Variants in PPARGC1A observed in about 807,000 individuals in gnomAD.
PPARGC1A encodes the protein peroxisome proliferator-activated receptor gamma coactivator 1-alpha.
Under a neutral mutation model 88.7 loss-of-function variants are expected in PPARGC1A, and 25 were observed. The observed-to-expected ratio is 0.28, with a 90% CI of 0.21 to 0.39. PPARGC1A has a LOEUF of 0.39. Ranked by LOEUF, PPARGC1A falls within the 10% of genes least tolerant of loss-of-function variation. The pLI is 1.00. For missense variants in PPARGC1A, 880 were observed against 968.7 expected (o/e 0.91, Z 1.22); for synonymous variants, 363 against 355.6 (o/e 1.02, Z -0.24).
the PPARGC1A span, among the ~76,000 whole-genome samples, chr4:24,025,392 A>C: frequency 2.0e-5 from 3 of 152,178 alleles, 1 homozygote; most frequent in South Asian, 4.1e-4. Flanking sequence ...TTGAGAGTAC[A>C]GGAGAGATTT....
the PPARGC1A span, among the ~76,000 whole-genome samples, chr4:24,234,793 G>A: frequency 1.3e-5 from 2 of 152,154 alleles, no homozygotes; most frequent in Non-Finnish European, 2.9e-5. Context: ...AGACCCCAGT[G>A]ATCACTGGCT....
the PPARGC1A span, among the ~76,000 whole-genome samples, chr4:24,066,099 A>G: frequency 4.0e-5 from 6 of 151,830 alleles, no homozygotes; most frequent in African/African-American, 9.7e-5. Flanking sequence ...GGGTGCCTTC[A>G]GTCTCCTCGG....
chr4:24,312,268 T>C, the PPARGC1A span, among the ~76,000 whole-genome samples: 1 of 152,228 alleles, frequency 6.6e-6, no homozygotes, highest in Non-Finnish European at 1.5e-5. Context: ...TTCTTGCCTA[T>C]AAAAGCTTCT....
chr4:23,812,619 A>C lies in PPARGC1A; in HGVS notation c.2019+128T>G, dbSNP rs893792019. The C allele has an allele frequency of 4.9e-6, 7 of 1,442,378 alleles. No homozygotes were observed. In the Admixed American group the frequency reaches 1.6e-4, roughly 32 times the overall value. The allele number at this position is 1,442,378 out of a possible 1,614,324, so 89.3% of individuals were successfully genotyped here. On this transcript the variant is annotated intron_variant, in intron 10 of 12. Coordinates refer to ENST00000264867, the MANE Select transcript of PPARGC1A (RefSeq NM_013261.5). The stretch of plus-strand genomic sequence containing the variant: ...AAGACTTATGGATATTTTAAAGCCA[A>C]AAGGCTGAAAATGGCCTGTTCTAAC...
the PPARGC1A span, among the ~76,000 whole-genome samples, chr4:24,152,554 A>G: frequency 1.3e-5 from 2 of 152,238 alleles, no homozygotes; most frequent in African/African-American, 2.4e-5. Context: ...CATTTGGCCA[A>G]TACTACAACA....
chr4:23,938,379 A>G, the PPARGC1A span, among the ~76,000 whole-genome samples: 2 of 152,194 alleles, frequency 1.3e-5, no homozygotes, highest in Non-Finnish European at 2.9e-5. Flanking sequence ...TAGGTCATTC[A>G]TTTATTTATT....
the PPARGC1A span, among the ~76,000 whole-genome samples, chr4:24,005,755 C>A: frequency 2.0e-5 from 3 of 151,884 alleles, no homozygotes; most frequent in South Asian, 2.1e-4. Context: ...GCATAGTGAC[C>A]GGCTCTGAAC....
chr4:24,063,104 C>T, the PPARGC1A span, among the ~76,000 whole-genome samples: 243 of 152,190 alleles, frequency 1.6e-3, 1 homozygote, highest in African/African-American at 5.6e-3. Context: ...GTGGCAAGTC[C>T]CTCTTCTTCT....
the PPARGC1A span, among the ~76,000 whole-genome samples, chr4:23,954,216 T>A: frequency 6.6e-6 from 1 of 152,044 alleles, no homozygotes; most frequent in South Asian, 2.1e-4. Flanking sequence ...AAACTAAATG[T>A]GGTACAGAAA....
the PPARGC1A span, among the ~76,000 whole-genome samples, chr4:24,088,308 T>C: frequency 2.6e-5 from 4 of 151,724 alleles, no homozygotes; most frequent in Non-Finnish European, 5.9e-5. Flanking sequence ...TGAGCCATGA[T>C]TGTGTCACTG....
intron 2 of PPARGC1A, among the ~76,000 whole-genome samples, chr4:23,862,291 A>C (rs574549527): frequency 2.6e-5 from 4 of 152,330 alleles, no homozygotes; most frequent in Middle Eastern, 3.4e-3. Context: ...ATCAGGGAAC[A>C]CTTCCTGAAT....
the PPARGC1A span, among the ~76,000 whole-genome samples, chr4:24,057,105 A>G: frequency 2.0e-5 from 3 of 152,226 alleles, no homozygotes; most frequent in African/African-American, 4.8e-5. Context: ...ATACAATGAA[A>G]TATTATTTAG....
At chr4:24,266,249 C>A in the PPARGC1A span, among the ~76,000 whole-genome samples, 1 of 152,156 alleles carries the variant, frequency 6.6e-6, no homozygotes, top group Non-Finnish European at 1.5e-5. Flanking sequence ...TTGCAGTCTC[C>A]CACTTGGGAC....
chr4:24,018,333 T>A, the PPARGC1A span, among the ~76,000 whole-genome samples: 1 of 152,074 alleles, frequency 6.6e-6, no homozygotes, highest in African/African-American at 2.4e-5. Context: ...TAAAAGTGTT[T>A]AAAATGTCAC....
intron 1 of PPARGC1A, 38 bp downstream of exon 1, chr4:23,889,866 C>G: frequency 6.2e-7 from 1 of 1,606,628 alleles, no homozygotes; most frequent in Non-Finnish European, 8.5e-7. Context: ...AGGGAAGCGT[C>G]AGTTGTGGCT....
At chr4:23,911,743 T>C in the PPARGC1A span, among the ~76,000 whole-genome samples, 2 of 152,194 alleles carry the variant, frequency 1.3e-5, no homozygotes, top group Non-Finnish European at 2.9e-5. Context: ...TATACTAACA[T>C]GCATATTGGT....
At chr4:24,209,232 CCTCCGG>C in the PPARGC1A span, among the ~76,000 whole-genome samples, 2 of 152,126 alleles carry the variant, frequency 1.3e-5, no homozygotes, top group Non-Finnish European at 2.9e-5. Flanking sequence ...GCCCAGGGGT[CCTCCGG>C]AAGAATCTAA....
intron 5 of PPARGC1A, among the ~76,000 whole-genome samples, chr4:23,826,477 G>A (rs1156421164): frequency 6.6e-6 from 1 of 152,082 alleles, no homozygotes; most frequent in Non-Finnish European, 1.5e-5. Context: ...CTAAGGAAAA[G>A]AACCTGACTC....
At chr4:23,968,772 G>C in the PPARGC1A span, among the ~76,000 whole-genome samples, 3 of 151,978 alleles carry the variant, frequency 2.0e-5, no homozygotes, top group Non-Finnish European at 4.4e-5. Flanking sequence ...AAAATTAGCT[G>C]GGTGTGGTGG....
Sources: allele counts gnomAD v4.1 joint callset (sites outside exome capture counted in the v4.1 genomes callset), GRCh38; gene constraint gnomAD v4.1.1; transcripts MANE v1.5; gene names NCBI Gene and HGNC (gene_info 2026-07-23, HGNC 2026-07-21).